The following ST6GAL2 variants were observed in gnomAD, a reference collection of about 807,000 sequenced individuals.
The protein encoded by ST6GAL2 is ST6 beta-galactoside alpha-2,6-sialyltransferase 2.
ST6GAL2 carries 24 observed loss-of-function variants against 37.5 expected under a neutral mutation model. The observed-to-expected ratio is 0.64, with a 90% CI of 0.46 to 0.90. The LOEUF is 0.90. ST6GAL2 is among the 40% of genes least tolerant of loss of function. ST6GAL2 has a pLI of 0.00. For synonymous variants in ST6GAL2, 306 were observed against 295.1 expected, an observed-to-expected ratio of 1.04 and a Z score of -0.38; for missense variants, 715 against 712.7, an observed-to-expected ratio of 1.00 and a Z score of -0.04.
chr2:106,886,409 G>A (rs1678997959), upstream of ST6GAL2: 3 of 152,074 alleles, frequency 2.0e-5, no homozygotes, highest in African/African-American at 7.2e-5. Flanking sequence ...CCCGTCCCAG[G>A]CGGCCTGCGG....
chr2:106,814,490 C>CA (rs60883353), intron 5 of ST6GAL2, among the ~76,000 whole-genome samples: 39,025 of 133,552 alleles, frequency 0.29, 5,265 homozygotes, highest in South Asian at 0.37. Flanking sequence ...TGTTTGCGTT[C>CA]AAAAAAAAAA....
At chr2:106,849,624 CT>C (rs1282040740) in intron 1 of ST6GAL2, among the ~76,000 whole-genome samples, 3 of 152,144 alleles carry the variant, frequency 2.0e-5, no homozygotes, top group African/African-American at 7.2e-5. Context: ...TAGGCCTTTC[CT>C]GGACCTAGGA....
chr2:106,874,736 A>C (rs1488339194), intron 1 of ST6GAL2, among the ~76,000 whole-genome samples: 1 of 152,224 alleles, frequency 6.6e-6, no homozygotes, highest in Non-Finnish European at 1.5e-5. Flanking sequence ...ACCCTCTAGA[A>C]ACTGTATATG....
chr2:106,866,846 G>A (rs1395402761), intron 1 of ST6GAL2, among the ~76,000 whole-genome samples: 1 of 152,124 alleles, frequency 6.6e-6, no homozygotes, highest in African/African-American at 2.4e-5. Context: ...CTCTGTTCTG[G>A]TCAGAAAGAA....
At position 106,805,942 on chromosome 2, in the gene ST6GAL2, G is replaced by A. The variant is rs904354132; in HGVS notation, c.*736C>T. On this transcript the variant is annotated 3_prime_UTR_variant, in exon 6 of 6. Coordinates refer to ENST00000409382, the MANE Select transcript of ST6GAL2 (RefSeq NM_001142351.2). The stretch of plus-strand genomic sequence containing the variant: ...GCCAGTGATGTGCCTCCTGGTGGAT[G>A]TGATACTAATGTTCCTGGTTGAAAT... 1.3e-5 allele frequency: 2 copies of A among 152,358 alleles called. No individual in the cohort carries two copies. The highest frequency in any genetic ancestry group is 2.9e-5 in the Non-Finnish European group (2 of 68,178). 9.4% of individuals were successfully genotyped at this position (152,358 alleles called of 1,614,324 possible).
intron 1 of ST6GAL2, among the ~76,000 whole-genome samples, chr2:106,865,245 C>T (rs1677975586): frequency 6.6e-6 from 1 of 152,194 alleles, no homozygotes. Context: ...CAAGCCAACT[C>T]CAGCACACTA....
intron 1 of ST6GAL2, among the ~76,000 whole-genome samples, chr2:106,869,077 C>T (rs2104609489): frequency 6.6e-6 from 1 of 152,150 alleles, no homozygotes; most frequent in African/African-American, 2.4e-5. Context: ...ATGAGATGAG[C>T]TCCCATATCT....
chr2:106,843,859 G>A lies in ST6GAL2; in HGVS notation c.119C>T (p.Pro40Leu). The A allele has an allele frequency of 6.2e-7, 1 of 1,611,798 alleles. No homozygotes were observed. The highest frequency in any genetic ancestry group is 1.1e-5 in the South Asian group (1 of 91,088). ...GGTCTCCAGGAAGGAGAGGGAGCTG[G>A]GTACAGGCTCAGCGGGGTTGCTGTC... ...FTDSNPAEPV[P>L]SSLSFLETRR... is the part of the protein sequence containing the mutation. The change falls in exon 2 of 6, where the codon CCC becomes CTC. Residue 40 changes from proline to leucine, a missense_variant. Around this residue, in one of 3 missense-constraint regions of ST6GAL2, gnomAD observed 512 missense variants for 488.8 expected, o/e 1.05. Transcript: ENST00000409382.
intron 1 of ST6GAL2, among the ~76,000 whole-genome samples, chr2:106,878,924 TA>T (rs1678624961): frequency 6.6e-6 from 1 of 152,060 alleles, no homozygotes; most frequent in Admixed American, 6.5e-5. Flanking sequence ...CGACATGGAG[TA>T]AAATGAGTTT....
At chr2:106,852,445 G>A (rs1420961219) in intron 1 of ST6GAL2, among the ~76,000 whole-genome samples, 3 of 152,142 alleles carry the variant, frequency 2.0e-5, no homozygotes, top group African/African-American at 4.8e-5. Context: ...CTGGGCTTCC[G>A]GATAATGTAA....
At chr2:106,852,291 C>A (rs963269977) in intron 1 of ST6GAL2, among the ~76,000 whole-genome samples, 1 of 152,322 alleles carries the variant, frequency 6.6e-6, no homozygotes, top group East Asian at 1.9e-4. Flanking sequence ...GGGCAGCCCC[C>A]CTGCAGGCAG....
At position 106,823,486 on chromosome 2, in the gene ST6GAL2, C is replaced by CACACACAG. The variant is rs755735360; in HGVS notation, c.1318+6579_1318+6580insCTGTGTGT. The stretch of plus-strand genomic sequence containing the variant: ...ACACACACACACACACACACACACA[C>CACACACAG]AGAGAGAGAGAGAGAGAGATCGAGA... On this transcript the variant is annotated intron_variant, in intron 5 of 5. Transcript: ENST00000409382. Among the ~76,000 whole-genome samples, 237 of 117,882 alleles carry CACACACAG rather than the reference C, an allele frequency of 2.0e-3. 2 individuals are homozygous for CACACACAG. In the South Asian group the frequency reaches 0.021, roughly 10 times the overall value. 77.3% of individuals were successfully genotyped at this position (117,882 alleles called of 152,430 possible). A position where few individuals can be genotyped will look rare whatever the true frequency, so the allele number is the denominator to read the frequency against.
intron 1 of ST6GAL2, among the ~76,000 whole-genome samples, chr2:106,878,272 G>A (rs1247493335): frequency 1.3e-5 from 2 of 152,170 alleles, no homozygotes; most frequent in Non-Finnish European, 2.9e-5. Context: ...AGACCAGCCT[G>A]GGCAACAGAG....
intron 5 of ST6GAL2, among the ~76,000 whole-genome samples, chr2:106,808,843 TA>T (rs1675512246): frequency 6.6e-6 from 1 of 152,080 alleles, no homozygotes; most frequent in Admixed American, 6.6e-5. Flanking sequence ...CCATCTCTAC[TA>T]AAAATACAAA....
chr2:106,873,364 T>C (rs1003776159), intron 1 of ST6GAL2, among the ~76,000 whole-genome samples: 1 of 152,184 alleles, frequency 6.6e-6, no homozygotes, highest in African/African-American at 2.4e-5. Context: ...TGTTGTATAC[T>C]CCCCCTGGGG....
chr2:106,883,011 T>C (rs1238967483), intron 1 of ST6GAL2, among the ~76,000 whole-genome samples: 1 of 152,168 alleles, frequency 6.6e-6, no homozygotes, highest in African/African-American at 2.4e-5. Context: ...AAAGTGAAGA[T>C]AATAGTCACA....
At chr2:106,823,703 G>A (rs1196133542) in intron 5 of ST6GAL2, among the ~76,000 whole-genome samples, 1 of 152,098 alleles carries the variant, frequency 6.6e-6, no homozygotes, top group African/African-American at 2.4e-5. Flanking sequence ...GCAATAAACT[G>A]GGTGGCTTAT....
chr2:106,886,252 C>G (rs1678988287), upstream of ST6GAL2: 1 of 152,206 alleles, frequency 6.6e-6, no homozygotes. Flanking sequence ...CACGCTGGCG[C>G]CCGCTAGAGC....
chr2:106,835,286 C>A (rs1025373658), intron 2 of ST6GAL2, among the ~76,000 whole-genome samples: 14 of 152,268 alleles, frequency 9.2e-5, no homozygotes, highest in African/African-American at 3.1e-4. Context: ...CCAAGGGGAG[C>A]TGCATTTATA....
Sources: allele counts gnomAD v4.1 joint callset (sites outside exome capture counted in the v4.1 genomes callset), GRCh38; gene constraint gnomAD v4.1.1; regional missense constraint gnomAD v4.1.1; transcripts MANE v1.5; gene names NCBI Gene and HGNC (gene_info 2026-07-23, HGNC 2026-07-21).